Variants in ADGRF3 observed in about 807,000 individuals in gnomAD.
The protein encoded by ADGRF3 is G protein-coupled receptor 113.
A neutral mutation model predicts 93.2 loss-of-function variants in ADGRF3; 85 were observed. The observed-to-expected ratio is 0.91, with a 90% CI of 0.77 to 1.09. The LOEUF is 1.09. Ranked by LOEUF, ADGRF3 falls within the 50% of genes least tolerant of loss-of-function variation. ADGRF3 has a pLI of 0.00. For missense variants in ADGRF3, 1,125 were observed against 1,246.2 expected (o/e 0.90, Z 1.46); for synonymous variants, 534 against 532.5 (o/e 1.00, Z -0.04).
intron 1 of ADGRF3, among the ~76,000 whole-genome samples, chr2:26,339,410 C>G (rs751349942): frequency 7.3e-5 from 11 of 150,588 alleles, no homozygotes; most frequent in Non-Finnish European, 1.6e-4. Context: ...GCTTGAGAAT[C>G]GCTTGATCCC....
Position 26,346,407 on chromosome 2 carries a change from G to A in ADGRF3, c.-173C>T, listed in dbSNP as rs559853456. ...CGCGTGGCTCCGGGCGGGCTGGCGG[G>A]CGTTCCTCCGGAGGTCCTGCGGGTC... On this transcript the variant is annotated 5_prime_UTR_variant, in exon 1 of 14. Coordinates refer to ENST00000651242, the MANE Select transcript of ADGRF3 (RefSeq NM_001321971.2). 3.9e-6 allele frequency: 5 copies of A among 1,287,858 alleles called. No homozygotes were observed. The highest frequency in any genetic ancestry group is 2.8e-4 in the Middle Eastern group (1 of 3,566). 79.8% of individuals were successfully genotyped at this position (1,287,858 alleles called of 1,614,324 possible).
At chr2:26,343,371 A>G (rs1009645638) in intron 1 of ADGRF3, among the ~76,000 whole-genome samples, 3 of 152,218 alleles carry the variant, frequency 2.0e-5, no homozygotes, top group African/African-American at 7.2e-5. Context: ...TGAATTTCAG[A>G]GATGAATAGG....
chr2:26,315,497 G>A (rs947531740), intron 5 of ADGRF3, 25 bp downstream of exon 5: 3 of 1,542,190 alleles, frequency 1.9e-6, no homozygotes, highest in Non-Finnish European at 2.6e-6. Context: ...GGAGAAAGGA[G>A]GCAAGGAGAG....
chr2:26,329,705 T>C (rs1403141422), intron 1 of ADGRF3, among the ~76,000 whole-genome samples: 1 of 152,250 alleles, frequency 6.6e-6, no homozygotes, highest in Non-Finnish European at 1.5e-5. Flanking sequence ...AATACAGAGC[T>C]CATGCAATAA....
intron 1 of ADGRF3, chr2:26,345,766 G>A (rs75757974): frequency 0.019 from 4,969 of 265,902 alleles, 175 homozygotes; most frequent in African/African-American, 0.088. Flanking sequence ...AGACTAAAAC[G>A]GTATACCCCA....
At chr2:26,324,201 T>C (rs908691531) in intron 1 of ADGRF3, among the ~76,000 whole-genome samples, 1 of 152,040 alleles carries the variant, frequency 6.6e-6, no homozygotes, top group African/African-American at 2.4e-5. Flanking sequence ...CAGTGAGCTG[T>C]GATCGTGCCA....
Position 26,314,592 on chromosome 2 carries a change from GC to G in ADGRF3, c.749del (p.Gly250AlafsTer10), listed in dbSNP as rs1558385089. ...GEYMSCFEAQ[G>X]FKWNLYEVVR... ...CCACCTCATACAGGTTCCACTTGAAGCCCTGGGCCTCGAAGCAGCTCATGTA... is the reference window on the plus strand; with the variant it reads ...CCACCTCATACAGGTTCCACTTGAAGCCTGGGCCTCGAAGCAGCTCATGTA... On this transcript the variant is annotated frameshift_variant, in exon 6 of 14. Transcript: ENST00000651242. LOFTEE classifies it high-confidence loss of function. The G allele has an allele frequency of 3.7e-6, 6 of 1,614,022 alleles. No homozygotes were observed. The highest frequency in any genetic ancestry group is 5.1e-6 in the Non-Finnish European group (6 of 1,179,896).
chr2:26,327,465 T>C (rs915606653), intron 1 of ADGRF3, among the ~76,000 whole-genome samples: 2 of 152,156 alleles, frequency 1.3e-5, no homozygotes, highest in African/African-American at 4.8e-5. Flanking sequence ...AATGTATCAA[T>C]ACATGCTCAG....
In ADGRF3 at chr2:26,311,974, A is replaced by G. The variant is rs1342936999; in HGVS notation, c.1550T>C (p.Leu517Pro). Residue 517 changes from leucine (L) to proline (P), a missense_variant, in exon 10 of 14, where the codon CTG (leucine) becomes CCG (proline). Leu to Pro is a moderately conservative substitution (Grantham distance 98, BLOSUM62 -3). Coordinates refer to ENST00000651242, the MANE Select transcript of ADGRF3 (RefSeq NM_001321971.2). The stretch of plus-strand genomic sequence containing the variant: ...GCTGCATGCCAGGGTCTCCACAGCC[A>G]GCAGGAGAGTCGAGCCTGCCCAGGG... ...RKPWAGSTLL[L>P]AVETLACSLC... 6.2e-7 allele frequency: 1 copy of G among 1,613,524 alleles called. No individual in the cohort carries two copies. The highest frequency in any genetic ancestry group is 8.5e-7 in the Non-Finnish European group (1 of 1,179,880).
chr2:26,313,282 G>C, intron 8 of ADGRF3, 95 bp downstream of exon 8: 1 of 1,431,350 alleles, frequency 7.0e-7, no homozygotes, highest in Non-Finnish European at 9.4e-7. Flanking sequence ...CAGCCTGTGG[G>C]CTGGGCCTTG....
intron 8 of ADGRF3, 124 bp downstream of exon 8, chr2:26,313,252 TC>T: frequency 1.4e-6 from 2 of 1,422,332 alleles, no homozygotes; most frequent in Non-Finnish European, 9.6e-7. Flanking sequence ...CTGCTAGGGC[TC>T]CACTTCAGAG....
chr2:26,336,317 T>A (rs911682654), intron 1 of ADGRF3, among the ~76,000 whole-genome samples: 2 of 149,802 alleles, frequency 1.3e-5, no homozygotes, highest in Admixed American at 6.7e-5. Context: ...AGATCAAGAG[T>A]GTGTGTGTGT....
intron 1 of ADGRF3, among the ~76,000 whole-genome samples, chr2:26,324,094 A>T (rs1360556021): frequency 6.6e-6 from 1 of 152,142 alleles, no homozygotes. Flanking sequence ...CTTCATCTCT[A>T]CAAAAAGTTA....
Position 26,310,834 on chromosome 2 carries a change from C to T in ADGRF3, c.2690G>A (p.Arg897His), listed in dbSNP as rs1480786531. The part of the protein sequence containing the change: ...SLSEGPPAEK[R>H]QALLGVIKAL... ...TTTGATCACCCCCAGCAGAGCTTGG[C>T]GCTTCTCTGCTGGGGGTCCCTCTGA... Residue 897 changes from arginine (R) to histidine (H), a missense_variant, in exon 10 of 14, where the codon CGC becomes CAC. By Grantham distance (29) the Arg-to-His change is conservative (BLOSUM62 0). Transcript: ENST00000651242. 1.7e-5 allele frequency: 27 copies of T among 1,613,224 alleles called. No homozygotes were observed. Among genetic ancestry groups the T allele is most frequent in the Middle Eastern group, 3.3e-4 (2 of 6,082 alleles).
chr2:26,322,112 A>G (rs1173511650), intron 1 of ADGRF3, among the ~76,000 whole-genome samples: 2 of 151,424 alleles, frequency 1.3e-5, no homozygotes, highest in African/African-American at 4.9e-5. Context: ...GTGAAACCCC[A>G]TCTCTACTAA....
chr2:26,311,312 A>G lies in ADGRF3; in HGVS notation c.2212T>C (p.Tyr738His). Residue 738 changes from tyrosine to histidine, a missense_variant, in exon 10 of 14, where the codon TAT becomes CAT. Tyr to His is a moderately conservative substitution (Grantham distance 83). Transcript: ENST00000651242. ...WRVVVRNKISYFRHAALLNMV... is the reference protein window; with the variant it reads ...WRVVVRNKISHFRHAALLNMV... The stretch of plus-strand genomic sequence containing the variant: ...TTGAGCAGGGCGGCGTGGCGGAAAT[A>G]GGAGATCTTGTTCCGCACCACGACT... 1 of 1,613,928 alleles carries G rather than the reference A, an allele frequency of 6.2e-7. No homozygotes were observed. The highest frequency in any genetic ancestry group is 8.5e-7 in the Non-Finnish European group (1 of 1,179,876).
At chr2:26,330,727 G>T (rs1376927866) in intron 1 of ADGRF3, among the ~76,000 whole-genome samples, 1 of 152,160 alleles carries the variant, frequency 6.6e-6, no homozygotes, top group Non-Finnish European at 1.5e-5. Flanking sequence ...GACCTAGGGG[G>T]TTTCTTCTGT....
intron 5 of ADGRF3, 130 bp downstream of exon 5, chr2:26,315,392 G>A: frequency 9.7e-7 from 1 of 1,026,216 alleles, no homozygotes; most frequent in Non-Finnish European, 1.4e-6. Flanking sequence ...GAAAGAGGTG[G>A]AAAGAAAAGA....
At chr2:26,317,375 CCT>C in intron 2 of ADGRF3, 119 bp downstream of exon 2, 1 of 935,092 alleles carries the variant, frequency 1.1e-6, no homozygotes, top group Non-Finnish European at 1.7e-6. Flanking sequence ...CAGAGCCAGT[CCT>C]CTCTCTCCGC....
Sources: allele counts gnomAD v4.1 joint callset (sites outside exome capture counted in the v4.1 genomes callset), GRCh38; gene constraint gnomAD v4.1.1; transcripts MANE v1.5; gene names NCBI Gene and HGNC (gene_info 2026-07-23, HGNC 2026-07-21).